Variants in WWOX observed in about 807,000 individuals in gnomAD.
WWOX encodes the protein WW domain containing oxidoreductase.
Under a neutral mutation model 46.2 loss-of-function variants are expected in WWOX, and 69 were observed. The observed-to-expected ratio is 1.49, with a 90% CI of 1.23 to 1.82. The LOEUF is 1.82. Among genes scored for constraint, WWOX ranks in the 40% most tolerant of loss-of-function variants. WWOX has a pLI of 0.00. For synonymous variants in WWOX, 359 were observed against 202.6 expected (o/e 1.77, Z -6.56); for missense variants, 919 against 542.6 (o/e 1.69, Z -6.89).
chr16:78,539,195 T>G lies in WWOX; in HGVS notation c.1056+106443T>G, dbSNP rs532629477. Among the ~76,000 whole-genome samples, 6 of 152,370 alleles carry G rather than the reference T, an allele frequency of 3.9e-5. No individual in the cohort carries two copies. In the East Asian group the frequency reaches 1.2e-3, roughly 29 times the overall value. On this transcript the variant is annotated intron_variant, in intron 8 of 8. Transcript: ENST00000566780. ...TTTGCAGTGCATGACACATAGTAAT[T>G]GCTCAATAAATATGTGTTCAACTGA...
At chr16:79,079,747 G>C (rs945564842) in intron 8 of WWOX, among the ~76,000 whole-genome samples, 2 of 152,100 alleles carry the variant, frequency 1.3e-5, no homozygotes, top group Admixed American at 6.5e-5. Flanking sequence ...TTTGCAACAG[G>C]GAACTATATC....
At chr16:78,143,454 G>T (rs2034057425) in intron 4 of WWOX, among the ~76,000 whole-genome samples, 1 of 152,124 alleles carries the variant, frequency 6.6e-6, no homozygotes, top group Non-Finnish European at 1.5e-5. Context: ...GCCCCCCGAG[G>T]CCCACTTTTG....
At chr16:78,667,937 C>A (rs956456411) in intron 8 of WWOX, among the ~76,000 whole-genome samples, 1 of 152,136 alleles carries the variant, frequency 6.6e-6, no homozygotes, top group Non-Finnish European at 1.5e-5. Flanking sequence ...ACATCACACT[C>A]TGTGCTGCTC....
chr16:79,189,143 A>G (rs1410809875), intron 8 of WWOX, among the ~76,000 whole-genome samples: 2 of 152,194 alleles, frequency 1.3e-5, no homozygotes, highest in Non-Finnish European at 2.9e-5. Flanking sequence ...CCCCTGGGAC[A>G]TTGGACTTTC....
At chr16:78,551,198 A>G (rs921464292) in intron 8 of WWOX, 20 of 152,214 alleles carry the variant, frequency 1.3e-4, no homozygotes, top group African/African-American at 4.3e-4. Flanking sequence ...AATATATTCC[A>G]TGAAACAAAA....
At chr16:78,877,369 G>C (rs746427461) in intron 8 of WWOX, among the ~76,000 whole-genome samples, 3 of 151,776 alleles carry the variant, frequency 2.0e-5, no homozygotes, top group East Asian at 1.9e-4. Flanking sequence ...GACATGCCAG[G>C]TGTGTTCCTG....
intron 8 of WWOX, among the ~76,000 whole-genome samples, chr16:78,481,238 G>A (rs962984955): frequency 3.3e-5 from 5 of 152,134 alleles, no homozygotes; most frequent in African/African-American, 9.7e-5. Flanking sequence ...TCTAACTGAT[G>A]AAAGCGTACT....
chr16:78,984,678 C>A (rs1443867701), intron 8 of WWOX, among the ~76,000 whole-genome samples: 1 of 152,202 alleles, frequency 6.6e-6, no homozygotes. Flanking sequence ...CCCTTAGGAA[C>A]CTTCTACCAA....
intron 8 of WWOX, among the ~76,000 whole-genome samples, chr16:78,938,616 A>G (rs543186839): frequency 2.6e-5 from 4 of 152,148 alleles, no homozygotes; most frequent in Admixed American, 1.3e-4. Context: ...TTATTCATTC[A>G]TTTGTTCATT....
At chr16:78,839,595 G>A (rs565620862) in intron 8 of WWOX, among the ~76,000 whole-genome samples, 84 of 152,274 alleles carry the variant, frequency 5.5e-4, no homozygotes, top group African/African-American at 1.9e-3. Flanking sequence ...CTGCATCCCA[G>A]CCTGTCAGCA....
intron 8 of WWOX, among the ~76,000 whole-genome samples, chr16:78,966,807 G>T (rs761371047): frequency 1.3e-5 from 2 of 152,124 alleles, no homozygotes; most frequent in Admixed American, 6.6e-5. Flanking sequence ...TTCTACTTTG[G>T]CAGAATTACC....
At chr16:78,452,246 C>T (rs2083707836) in intron 8 of WWOX, among the ~76,000 whole-genome samples, 2 of 152,164 alleles carry the variant, frequency 1.3e-5, no homozygotes, top group Admixed American at 1.3e-4. Context: ...GCGTAACACC[C>T]TTTGAACAAA....
intron 4 of WWOX, among the ~76,000 whole-genome samples, chr16:78,124,992 A>T (rs9933874): frequency 0.17 from 25,893 of 152,156 alleles, 3,090 homozygotes; most frequent in African/African-American, 0.34. Context: ...AGTTTATTTC[A>T]TATAAAGAGG....
chr16:79,001,770 A>G (rs1268433724), intron 8 of WWOX, among the ~76,000 whole-genome samples: 2 of 152,076 alleles, frequency 1.3e-5, no homozygotes, highest in African/African-American at 4.8e-5. Flanking sequence ...GAAGTTGGAG[A>G]AAGTACAAAT....
At chr16:78,488,156 A>G (rs900412488) in intron 8 of WWOX, among the ~76,000 whole-genome samples, 1 of 152,152 alleles carries the variant, frequency 6.6e-6, no homozygotes, top group African/African-American at 2.4e-5. Flanking sequence ...GGTTCCTGCT[A>G]CCTTTGGCTG....
At position 78,482,356 on chromosome 16, in the gene WWOX, G is replaced by C. The variant is rs369482370; in HGVS notation, c.1056+49604G>C. Among the ~76,000 whole-genome samples the C allele has an allele frequency of 6.8e-4, 103 of 152,156 alleles. 1 individual carries two copies. The highest frequency in any genetic ancestry group is 2.4e-3 in the African/African-American group (98 of 41,534). ...CCTTCCTCGGCCTCCGTAGTAGTCA[G>C]GACTACAGGCATGCACCACCATAGC... On this transcript the variant is annotated intron_variant, in intron 8 of 8. Transcript: ENST00000566780.
chr16:78,688,643 T>G (rs2047916719), intron 8 of WWOX, among the ~76,000 whole-genome samples: 1 of 152,158 alleles, frequency 6.6e-6, no homozygotes, highest in South Asian at 2.1e-4. Context: ...CAAGGGATAA[T>G]TGATAATGTC....
At chr16:78,616,361 A>G (rs956768487) in intron 8 of WWOX, among the ~76,000 whole-genome samples, 1 of 152,164 alleles carries the variant, frequency 6.6e-6, no homozygotes, top group Non-Finnish European at 1.5e-5. Flanking sequence ...TCCAAGAGGA[A>G]GGCACTGGCA....
chr16:78,650,285 G>A (rs2046937603), intron 8 of WWOX, among the ~76,000 whole-genome samples: 2 of 152,222 alleles, frequency 1.3e-5, no homozygotes, highest in Admixed American at 6.5e-5. Flanking sequence ...GAAGAAGTAT[G>A]TGTATCCGCT....
Sources: gnomAD v4.1 joint callset for allele counts (sites outside exome capture counted in the v4.1 genomes callset) on GRCh38, gnomAD v4.1.1 for gene constraint, MANE v1.5 for transcripts, NCBI Gene and HGNC (gene_info 2026-07-23, HGNC 2026-07-21) for gene names.